The following LRCH1 variants were observed in gnomAD, a reference collection of about 807,000 sequenced individuals.
LRCH1 encodes the protein leucine-rich repeat and calponin homology domain-containing protein 1.
In LRCH1, 23 loss-of-function variants were observed where a neutral mutation model predicts 94.9. That is an observed-to-expected ratio of 0.24 (90% confidence interval 0.17 to 0.34). LRCH1 has a LOEUF of 0.34. Among genes scored for constraint, LRCH1 ranks in the 10% least tolerant of loss-of-function variants. The probability of loss-of-function intolerance (pLI) is 1.00; values close to 1 mark genes in which losing one functional copy is unlikely to be tolerated. For missense variants in LRCH1, 790 were observed against 945.9 expected (o/e 0.84, Z 2.16); for synonymous variants, 364 against 354.9 (o/e 1.03, Z -0.29).
intron 1 of LRCH1, among the ~76,000 whole-genome samples, chr13:46,564,839 A>G (rs1163098749): frequency 1.3e-5 from 2 of 152,254 alleles, no homozygotes; most frequent in Non-Finnish European, 2.9e-5. Context: ...GGTAATAGAT[A>G]GCACAGGAGC....
chr13:46,719,929 C>T (rs990560303), intron 16 of LRCH1, among the ~76,000 whole-genome samples: 1 of 152,142 alleles, frequency 6.6e-6, no homozygotes. Flanking sequence ...ACCTGGGAGG[C>T]GGAGTTTGCA....
intron 2 of LRCH1, among the ~76,000 whole-genome samples, chr13:46,663,423 C>T (rs890386038): frequency 1.4e-4 from 21 of 152,156 alleles, no homozygotes; most frequent in Admixed American, 1.4e-3. Context: ...AGGGGAAGCA[C>T]TCAGTCATTA....
chr13:46,581,226 C>G (rs1318156007), intron 1 of LRCH1, among the ~76,000 whole-genome samples: 1 of 152,184 alleles, frequency 6.6e-6, no homozygotes, highest in African/African-American at 2.4e-5. Flanking sequence ...GATGAAGCCC[C>G]TGCAACAGGA....
Position 46,638,529 on chromosome 13 carries a change from A to G in LRCH1, c.308-11672A>G, listed in dbSNP as rs373872273. ...GCCTTCATTCTACTTTATGTTTAACACAAGTATTTGGAAAACCTGAGTAGT... is the reference window on the plus strand; with the variant it reads ...GCCTTCATTCTACTTTATGTTTAACGCAAGTATTTGGAAAACCTGAGTAGT... On this transcript the variant is annotated intron_variant, in intron 1 of 19. Transcript: ENST00000389797. 3.9e-5 allele frequency among the ~76,000 whole-genome samples: 6 copies of G among 152,376 alleles called. No individual in the cohort carries two copies. The East Asian group carries it at 1.2e-3, about 29-fold the overall frequency.
At chr13:46,624,275 G>A (rs2050918430) in intron 1 of LRCH1, among the ~76,000 whole-genome samples, 3 of 152,122 alleles carry the variant, frequency 2.0e-5, no homozygotes, top group Non-Finnish European at 2.9e-5. Flanking sequence ...CATTATAAAA[G>A]CCTCCTTCAT....
intron 1 of LRCH1, among the ~76,000 whole-genome samples, chr13:46,583,821 C>T (rs2050400433): frequency 6.6e-6 from 1 of 150,572 alleles, no homozygotes; most frequent in Admixed American, 6.6e-5. Flanking sequence ...AGTGCAGTGG[C>T]GCAATCTCCG....
At chr13:46,738,395 G>A (rs1423949103) in intron 19 of LRCH1, among the ~76,000 whole-genome samples, 2 of 152,174 alleles carry the variant, frequency 1.3e-5, no homozygotes, top group Non-Finnish European at 2.9e-5. Flanking sequence ...CTTATCTTTT[G>A]TAATTTTCAT....
intron 1 of LRCH1, among the ~76,000 whole-genome samples, chr13:46,637,305 T>C (rs1296352804): frequency 6.6e-6 from 1 of 152,206 alleles, no homozygotes; most frequent in East Asian, 1.9e-4. Context: ...CTGGCCTCCC[T>C]GCCTGCCCTA....
Position 46,744,817 on chromosome 13 carries a change from T to C in LRCH1, c.*2969T>C. The C allele has an allele frequency of 1.0e-6, 1 of 983,800 alleles. No individual in the cohort carries two copies. Among genetic ancestry groups the C allele is most frequent in the Non-Finnish European group, 1.2e-6 (1 of 828,454 alleles). The allele number at this position is 983,800 out of a possible 1,614,324, so 60.9% of individuals were successfully genotyped here. On this transcript the variant is annotated 3_prime_UTR_variant, in exon 20 of 20. Coordinates refer to ENST00000389797, the MANE Select transcript of LRCH1 (RefSeq NM_001164211.2). ...TAGGTGAAAAATACTTTAATATGATTTTATTTCAGGAGACTTGATTTTTAA... is the reference window on the plus strand; with the variant it reads ...TAGGTGAAAAATACTTTAATATGATCTTATTTCAGGAGACTTGATTTTTAA...
chr13:46,599,685 A>G (rs1489171196), intron 1 of LRCH1, among the ~76,000 whole-genome samples: 1 of 152,226 alleles, frequency 6.6e-6, no homozygotes, highest in African/African-American at 2.4e-5. Flanking sequence ...TTTCAGAAAT[A>G]TTTGCATTTT....
At position 46,592,696 on chromosome 13, in the gene LRCH1, T is replaced by C. The variant is rs73190981; in HGVS notation, c.307+38993T>C. On this transcript the variant is annotated intron_variant, in intron 1 of 19. Coordinates refer to ENST00000389797, the MANE Select transcript of LRCH1 (RefSeq NM_001164211.2). The stretch of plus-strand genomic sequence containing the variant: ...ATATACATTTCTGCCAGCTCTATCA[T>C]ACCTAATCACTCATTTGATCATGTC... Among the ~76,000 whole-genome samples the C allele has an allele frequency of 2.9e-3, 449 of 152,330 alleles. 4 individuals are homozygous for C. Among genetic ancestry groups the C allele is most frequent in the Non-Finnish European group, 4.6e-3 (313 of 68,028 alleles).
In LRCH1 at chr13:46,686,472, T is replaced by A. The variant is rs528637865; in HGVS notation, c.822+431T>A. 3.3e-5 allele frequency among the ~76,000 whole-genome samples: 5 copies of A among 152,252 alleles called. No homozygotes were observed. In the South Asian group the frequency reaches 1.0e-3, roughly 32 times the overall value. On this transcript the variant is annotated intron_variant, in intron 5 of 19. Coordinates refer to ENST00000389797, the MANE Select transcript of LRCH1 (RefSeq NM_001164211.2). ...CTGTCAAACAAGAGAAGTCAGATCA[T>A]TTCTTTATGGCCAGTTTTTACACAG...
intron 4 of LRCH1, among the ~76,000 whole-genome samples, chr13:46,682,463 T>C (rs1401560600): frequency 6.6e-6 from 1 of 152,202 alleles, no homozygotes; most frequent in Non-Finnish European, 1.5e-5. Flanking sequence ...ATATGAATTT[T>C]GGAAGGACTC....
chr13:46,725,701 G>A (rs1593378800), intron 17 of LRCH1, among the ~76,000 whole-genome samples: 2 of 152,196 alleles, frequency 1.3e-5, no homozygotes, highest in Admixed American at 1.3e-4. Context: ...TCAGGAGGAA[G>A]TAATTTTAAA....
intron 14 of LRCH1, 144 bp from the exon 15 acceptor site, chr13:46,712,381 T>C: frequency 3.1e-6 from 2 of 642,812 alleles, no homozygotes; most frequent in South Asian, 3.8e-5. Flanking sequence ...ACAAAGTGAT[T>C]TTTTTTGGCC....
chr13:46,650,740 A>T (rs1361015738), intron 2 of LRCH1, among the ~76,000 whole-genome samples: 3 of 147,282 alleles, frequency 2.0e-5, no homozygotes, highest in Non-Finnish European at 3.0e-5. Context: ...AAAAAAAAAA[A>T]AAGAGAAAGC....
chr13:46,669,047 C>CCCTG lies in LRCH1; in HGVS notation c.483_486dup (p.Cys163ProfsTer13), dbSNP rs1285699954. 1.2e-6 allele frequency: 2 copies of CCCTG among 1,613,160 alleles called. No homozygotes were observed. Among genetic ancestry groups the CCCTG allele is most frequent in the Non-Finnish European group, 1.7e-6 (2 of 1,179,380 alleles). ...CTTTGCAGTCGAAATCAGCTGTCCG[C>CCCTG]CCTGCCTGCCTGCCTGTGTGGTCTG... On this transcript the variant is annotated frameshift_variant, in exon 3 of 20. Transcript: ENST00000389797. LOFTEE classifies it high-confidence loss of function.
chr13:46,728,503 A>C (rs1872939531), intron 17 of LRCH1, among the ~76,000 whole-genome samples: 1 of 152,246 alleles, frequency 6.6e-6, no homozygotes. Context: ...GGCGTGAGCC[A>C]CTGTGCCCGA....
intron 1 of LRCH1, among the ~76,000 whole-genome samples, chr13:46,592,078 T>G (rs1383395393): frequency 6.6e-6 from 1 of 152,202 alleles, no homozygotes; most frequent in East Asian, 1.9e-4. Flanking sequence ...AAGTCCTCAT[T>G]TTGAACATAG....
Sources: gnomAD v4.1 joint callset for allele counts (sites outside exome capture counted in the v4.1 genomes callset) on GRCh38, gnomAD v4.1.1 for gene constraint, MANE v1.5 for transcripts, NCBI Gene and HGNC (gene_info 2026-07-23, HGNC 2026-07-21) for gene names.